The following ZFPM1 variants were observed in gnomAD, a reference collection of about 807,000 sequenced individuals.
ZFPM1 encodes the protein zinc finger protein ZFPM1.
ZFPM1 carries 28 observed loss-of-function variants against 46.3 expected under a neutral mutation model. That is an observed-to-expected ratio of 0.60 (90% CI 0.45 to 0.83). The LOEUF (loss-of-function observed/expected upper bound fraction) is 0.83. Ranked by LOEUF, ZFPM1 falls within the 40% of genes least tolerant of loss-of-function variation. The probability of loss-of-function intolerance (pLI) is 0.00; values close to 1 mark genes in which losing one functional copy is unlikely to be tolerated. For missense variants in ZFPM1, 1,878 were observed against 1,432.4 expected (o/e 1.31, Z -5.02); for synonymous variants, 957 against 675.9 (o/e 1.42, Z -6.45).
Position 88,526,807 on chromosome 16 carries a change from CCCCCAGAG to C in ZFPM1, c.403-3_407del. On this transcript the variant is annotated splice_acceptor_variant and splice_polypyrimidine_tract_variant and coding_sequence_variant and intron_variant, in exon 5 of 10. Transcript: ENST00000319555. LOFTEE classifies it high-confidence loss of function. ...CCTCCCCACGTGTTCCTACCCTCCC[CCCCCAGAG>C]CCCAGCCCTGACCCTGCTGCTGGTG... The C allele has an allele frequency of 6.5e-7, 1 of 1,543,314 alleles. No individual in the cohort carries two copies. The highest frequency in any genetic ancestry group is 1.4e-5 in the African/African-American group (1 of 72,338).
At chr16:88,524,856 G>C (rs535547412) in intron 4 of ZFPM1, among the ~76,000 whole-genome samples, 5 of 152,360 alleles carry the variant, frequency 3.3e-5, no homozygotes, top group African/African-American at 1.2e-4. Flanking sequence ...CCCGTCTGCA[G>C]AGGAGAACCT....
intron 1 of ZFPM1, among the ~76,000 whole-genome samples, chr16:88,453,984 T>C (rs899230220): frequency 2.0e-5 from 3 of 152,150 alleles, no homozygotes; most frequent in South Asian, 4.1e-4. Flanking sequence ...CCCCCGCATC[T>C]GCGAGATGGT....
intron 3 of ZFPM1, chr16:88,489,486 C>T: frequency 3.5e-6 from 1 of 281,918 alleles, no homozygotes; most frequent in South Asian, 6.0e-5. Flanking sequence ...GAGGTGGGAA[C>T]AGGAGGCTGC....
At chr16:88,495,982 G>A (rs1173053168) in intron 3 of ZFPM1, among the ~76,000 whole-genome samples, 1 of 152,174 alleles carries the variant, frequency 6.6e-6, no homozygotes, top group Non-Finnish European at 1.5e-5. Context: ...ACAGGCTCCG[G>A]GGCAGGCTCC....
intron 4 of ZFPM1, among the ~76,000 whole-genome samples, chr16:88,521,011 G>A (rs1411403060): frequency 8.1e-6 from 1 of 123,552 alleles, no homozygotes; most frequent in Non-Finnish European, 1.7e-5. Flanking sequence ...TGGGTGGATG[G>A]ATGATTATGT....
At chr16:88,457,522 C>G (rs753479394) in intron 1 of ZFPM1, among the ~76,000 whole-genome samples, 1 of 152,244 alleles carries the variant, frequency 6.6e-6, no homozygotes, top group African/African-American at 2.4e-5. Context: ...TGCCTCGTCC[C>G]CAGTCACCAT....
intron 3 of ZFPM1, among the ~76,000 whole-genome samples, chr16:88,505,167 C>T (rs1461161717): frequency 6.6e-6 from 1 of 152,228 alleles, no homozygotes; most frequent in Non-Finnish European, 1.5e-5. Flanking sequence ...TCCTGCCTCT[C>T]CCTCGCCCGG....
At chr16:88,499,114 C>G (rs1168923358) in intron 3 of ZFPM1, among the ~76,000 whole-genome samples, 1 of 152,190 alleles carries the variant, frequency 6.6e-6, no homozygotes, top group Non-Finnish European at 1.5e-5. Context: ...CGTGGCTCCC[C>G]CATGACCAGG....
At chr16:88,462,528 T>C (rs1054765440) in intron 1 of ZFPM1, among the ~76,000 whole-genome samples, 24 of 152,312 alleles carry the variant, frequency 1.6e-4, no homozygotes, top group African/African-American at 5.8e-4. Context: ...GTGACCCTGC[T>C]GTGCCTAGGA....
Position 88,536,847 on chromosome 16 carries a change from G to T in ZFPM1, c.*1868G>T, listed in dbSNP as rs1049292947. The T allele has an allele frequency of 6.6e-6, 1 of 152,268 alleles. No individual in the cohort carries two copies. The highest frequency in any genetic ancestry group is 1.9e-4 in the East Asian group (1 of 5,200). 9.4% of individuals were successfully genotyped at this position (152,268 alleles called of 1,614,324 possible). A position where few individuals can be genotyped will look rare whatever the true frequency, so the allele number is the denominator to read the frequency against. ...GGGACGGGAGGCACGGACCCCTCAA[G>T]TCTGCTCATCATTTGCATTGTTGTG... On this transcript the variant is annotated 3_prime_UTR_variant, in exon 10 of 10. Transcript: ENST00000319555.
At chr16:88,481,213 A>G (rs1003468332) in intron 1 of ZFPM1, among the ~76,000 whole-genome samples, 4 of 152,222 alleles carry the variant, frequency 2.6e-5, no homozygotes, top group Non-Finnish European at 2.9e-5. Context: ...CTGGCCGCCA[A>G]TGACCACAGC....
upstream of ZFPM1, among the ~76,000 whole-genome samples, chr16:88,452,133 G>A (rs1397548609): frequency 2.6e-5 from 4 of 152,176 alleles, no homozygotes; most frequent in African/African-American, 7.2e-5. Context: ...TATGAGTACG[G>A]GGGATGGGGG....
At position 88,469,480 on chromosome 16, in the gene ZFPM1, A is replaced by T. The variant is rs1409981750; in HGVS notation, c.40+15802A>T. Among the ~76,000 whole-genome samples, 1 of 152,174 alleles carries T rather than the reference A, an allele frequency of 6.6e-6. No homozygotes were observed. Among genetic ancestry groups the T allele is most frequent in the East Asian group, 1.9e-4 (1 of 5,178 alleles). ...GTCCTCCTGTCTGTGGCTGTGGCAT[A>T]GCCTGGAAACCTGGGGTCTTCCAGA... On this transcript the variant is annotated intron_variant, in intron 1 of 9. Coordinates refer to ENST00000319555, the MANE Select transcript of ZFPM1 (RefSeq NM_153813.3). The surrounding 1 kb of genome is among the most constrained non-coding windows in gnomAD (Gnocchi z 4.3).
chr16:88,491,142 T>G (rs1029408516), intron 3 of ZFPM1, among the ~76,000 whole-genome samples: 1 of 151,116 alleles, frequency 6.6e-6, no homozygotes, highest in Non-Finnish European at 1.5e-5. Context: ...AGGCCTTCGC[T>G]GCGGAGTCAG....
intron 3 of ZFPM1, among the ~76,000 whole-genome samples, chr16:88,503,146 G>A (rs1024278643): frequency 3.1e-4 from 47 of 152,358 alleles, no homozygotes; most frequent in Admixed American, 2.7e-3. Context: ...GGGGACCCCC[G>A]TGGGTCCTGA....
In ZFPM1 at chr16:88,497,063, C is replaced by T. The variant is rs1388338056; in HGVS notation, c.268+7910C>T. Among the ~76,000 whole-genome samples the T allele has an allele frequency of 6.6e-6, 1 of 152,236 alleles. No homozygotes were observed. The highest frequency in any genetic ancestry group is 1.5e-5 in the Non-Finnish European group (1 of 68,040). On this transcript the variant is annotated intron_variant, in intron 3 of 9. Transcript: ENST00000319555. The surrounding 1 kb of genome is among the most constrained non-coding windows in gnomAD (Gnocchi z 5.4). Reference sequence around the variant, plus strand: ...CCCGTAAGTGCCTCAGGACCTGGAGCTCTCCCAGGACCACTATGGACAAGG... The same window carrying T: ...CCCGTAAGTGCCTCAGGACCTGGAGTTCTCCCAGGACCACTATGGACAAGG...
At chr16:88,511,771 A>C (rs1023482816) in intron 3 of ZFPM1, among the ~76,000 whole-genome samples, 1 of 152,196 alleles carries the variant, frequency 6.6e-6, no homozygotes, top group Non-Finnish European at 1.5e-5. Context: ...GCACAAGGGC[A>C]CCTGGGGTGA....
rs1237970083 is a variant in ZFPM1 at position 88,514,415 on chromosome 16, G to C, written c.297G>C (p.Gly99=). The C allele has an allele frequency of 1.9e-6, 3 of 1,562,656 alleles. No individual in the cohort carries two copies. The Admixed American group carries it at 5.7e-5, about 30-fold the overall frequency. Residue 99 remains glycine (G), a synonymous_variant, in exon 4 of 10, where the codon GGG becomes GGC. Coordinates refer to ENST00000319555, the MANE Select transcript of ZFPM1 (RefSeq NM_153813.3). ...AGCTGGAGCCGGTGGTGCAGGATGG[G>C]CAGAGGCGCATACGGGCCCGACTCA... ...PDELEPVVQD[G]QRRIRARLSL... is the part of the protein sequence containing the mutation.
chr16:88,509,038 C>G, intron 3 of ZFPM1, among the ~76,000 whole-genome samples: 1 of 152,176 alleles, frequency 6.6e-6, no homozygotes, highest in East Asian at 1.9e-4. Flanking sequence ...CCCGTGTGAC[C>G]CTGGGGAGCC....
Sources: gnomAD v4.1 joint callset for allele counts (sites outside exome capture counted in the v4.1 genomes callset) on GRCh38, gnomAD v4.1.1 for gene constraint, Gnocchi (gnomAD v3.1) non-coding constraint, MANE v1.5 for transcripts, NCBI Gene and HGNC (gene_info 2026-07-23, HGNC 2026-07-21) for gene names.